XPO6: variants seen among roughly 807,000 people sequenced by gnomAD.
XPO6 encodes the protein exportin 6, also known as exportin-6.
XPO6 carries 3 observed loss-of-function variants against 130.0 expected under a neutral mutation model. The ratio of observed to expected loss-of-function variants is 0.02; its 90% CI spans 0.01 to 0.06. The LOEUF (loss-of-function observed/expected upper bound fraction) is 0.06. XPO6 is among the 10% of genes least tolerant of loss of function. The pLI is 1.00. For missense variants in XPO6, 970 were observed against 1,393.0 expected (o/e 0.70, Z 4.83); for synonymous variants, 524 against 548.9 (o/e 0.95, Z 0.63).
At chr16:28,109,803 A>C (rs2141244525) in intron 17 of XPO6, among the ~76,000 whole-genome samples, 1 of 152,376 alleles carries the variant, frequency 6.6e-6, no homozygotes, top group Middle Eastern at 3.4e-3. Flanking sequence ...GAAAGTGTTA[A>C]TATGGCTACA....
At chr16:28,121,198 A>T (rs2087227176) in intron 14 of XPO6, among the ~76,000 whole-genome samples, 1 of 152,270 alleles carries the variant, frequency 6.6e-6, no homozygotes, top group African/African-American at 2.4e-5. Flanking sequence ...CCCAAGCCTT[A>T]TGGCCTTATG....
chr16:28,182,951 A>T lies in XPO6; in HGVS notation c.4-1920T>A, dbSNP rs192458987. On this transcript the variant is annotated intron_variant, in intron 1 of 23. Transcript: ENST00000304658. ...GGAAGATGCAGAAGAATCAAAAAAAATAGCACATGTTAAAATAAATCAATA... is the reference window on the plus strand; with the variant it reads ...GGAAGATGCAGAAGAATCAAAAAAATTAGCACATGTTAAAATAAATCAATA... Among the ~76,000 whole-genome samples, 89 of 152,350 alleles carry T rather than the reference A, an allele frequency of 5.8e-4. 2 individuals are homozygous for T. In the East Asian group the frequency reaches 0.016, roughly 27 times the overall value.
chr16:28,106,659 A>G lies in XPO6; in HGVS notation c.2498-162T>C, dbSNP rs1684888919. Among the ~76,000 whole-genome samples the G allele has an allele frequency of 6.6e-6, 1 of 152,204 alleles. No homozygotes were observed. Among genetic ancestry groups the G allele is most frequent in the South Asian group, 2.1e-4 (1 of 4,832 alleles). ...CATCAGGGCCAATGATGGAAAGTGGAAAACGATTAGGGACATGCTGAGAAA... is the reference window on the plus strand; with the variant it reads ...CATCAGGGCCAATGATGGAAAGTGGGAAACGATTAGGGACATGCTGAGAAA... On this transcript the variant is annotated intron_variant, in intron 18 of 23. Coordinates refer to ENST00000304658, the MANE Select transcript of XPO6 (RefSeq NM_015171.4). This position sits in a 1 kb window ranked among gnomAD's most constrained non-coding sequence, Gnocchi z 4.2.
intron 6 of XPO6, among the ~76,000 whole-genome samples, chr16:28,163,827 G>A (rs2043315098): frequency 6.6e-6 from 1 of 152,192 alleles, no homozygotes; most frequent in Non-Finnish European, 1.5e-5. Context: ...TGGAATTCTA[G>A]GGTTCTGGTA....
intron 6 of XPO6, among the ~76,000 whole-genome samples, chr16:28,163,569 T>G (rs1004249042): frequency 6.6e-6 from 1 of 152,180 alleles, no homozygotes. Flanking sequence ...GCTGCTCAAG[T>G]GCAGCAGGAA....
chr16:28,206,966 G>A (rs912541823), intron 1 of XPO6, among the ~76,000 whole-genome samples: 1 of 152,130 alleles, frequency 6.6e-6, no homozygotes, highest in Non-Finnish European at 1.5e-5. Context: ...AAAAAATAAG[G>A]CTAGGTGTGG....
intron 1 of XPO6, among the ~76,000 whole-genome samples, chr16:28,196,242 T>G (rs1037157530): frequency 3.1e-4 from 47 of 152,186 alleles, no homozygotes; most frequent in African/African-American, 1.1e-3. Context: ...ACAGATGGAT[T>G]TCTATTTTCA....
chr16:28,104,808 C>T, intron 20 of XPO6, 101 bp from the exon 21 acceptor site: 1 of 1,356,866 alleles, frequency 7.4e-7, no homozygotes, highest in Middle Eastern at 2.0e-4. Context: ...TGACAGCAAG[C>T]CGAGTGTCAA....
intron 12 of XPO6, among the ~76,000 whole-genome samples, chr16:28,127,413 CGTG>C (rs2042580420): frequency 6.6e-6 from 1 of 152,278 alleles, no homozygotes; most frequent in East Asian, 1.9e-4. Flanking sequence ...CAAAATCCCT[CGTG>C]GTGAGCAGCT....
intron 12 of XPO6, among the ~76,000 whole-genome samples, chr16:28,129,074 A>G (rs572698418): frequency 6.6e-5 from 10 of 152,360 alleles, no homozygotes; most frequent in African/African-American, 2.4e-4. Flanking sequence ...AGTTTGAACA[A>G]TATGAAACTG....
In XPO6 at chr16:28,146,217, A is replaced by C; in HGVS notation, c.1225-14T>G. The C allele has an allele frequency of 6.4e-7, 1 of 1,568,722 alleles. No individual in the cohort carries two copies. The highest frequency in any genetic ancestry group is 2.2e-5 in the East Asian group (1 of 44,616). ...TTCATGAGTAGGCTATGGTACAAAA[A>C]AAATCCAGACAATGAAATTATTTAA... On this transcript the variant is annotated splice_polypyrimidine_tract_variant and intron_variant, in intron 8 of 23. Transcript: ENST00000304658.
chr16:28,161,948 G>C (rs2043284870), intron 6 of XPO6, among the ~76,000 whole-genome samples: 1 of 152,144 alleles, frequency 6.6e-6, no homozygotes. Flanking sequence ...GTTCTCCTCT[G>C]TATTAAAGTG....
At chr16:28,206,837 G>C (rs766192432) in intron 1 of XPO6, among the ~76,000 whole-genome samples, 12 of 152,124 alleles carry the variant, frequency 7.9e-5, no homozygotes, top group Non-Finnish European at 1.3e-4. Flanking sequence ...GTACCTCTGA[G>C]AGCATGGGGT....
Position 28,158,993 on chromosome 16 carries a change from G to C in XPO6, c.644-2466C>G, listed in dbSNP as rs775988378. Reference sequence around the variant, plus strand: ...ACCTGTAATCCCAGCATTTCGGTAGGCTGAGGCGGGCAGATCACTTGAGCC... The same window carrying C: ...ACCTGTAATCCCAGCATTTCGGTAGCCTGAGGCGGGCAGATCACTTGAGCC... On this transcript the variant is annotated intron_variant, in intron 6 of 23. Coordinates refer to ENST00000304658, the MANE Select transcript of XPO6 (RefSeq NM_015171.4). Among the ~76,000 whole-genome samples, 29 of 152,296 alleles carry C rather than the reference G, an allele frequency of 1.9e-4. 2 individuals carry two copies. The Middle Eastern group carries it at 0.02, about 107-fold the overall frequency.
At chr16:28,169,225 G>A (rs750775933) in intron 5 of XPO6, among the ~76,000 whole-genome samples, 33 of 152,184 alleles carry the variant, frequency 2.2e-4, no homozygotes, top group Non-Finnish European at 4.6e-4. Flanking sequence ...GTCTCATGTT[G>A]TGGTTTGCTT....
At chr16:28,206,859 C>T (rs1194389674) in intron 1 of XPO6, among the ~76,000 whole-genome samples, 1 of 152,148 alleles carries the variant, frequency 6.6e-6, no homozygotes, top group Admixed American at 6.6e-5. Flanking sequence ...CAATGCAATG[C>T]TGTGGATGAA....
chr16:28,177,232 T>C lies in XPO6; in HGVS notation c.195A>G (p.Leu65=). 6.2e-7 allele frequency: 1 copy of C among 1,603,170 alleles called. No individual in the cohort carries two copies. The highest frequency in any genetic ancestry group is 8.5e-7 in the Non-Finnish European group (1 of 1,176,624). The change falls in exon 3 of 24, where the codon TTA becomes TTG. Residue 65 remains leucine, a synonymous_variant. Transcript: ENST00000304658. ...TRNDYVMMYS[L]TVFENLINKM... is the part of the protein sequence containing the mutation. ...ACTGACAACTTACCTCAAAAACTGTTAAACTGTACATCATTACATAGTCAT... is the reference window on the plus strand; with the variant it reads ...ACTGACAACTTACCTCAAAAACTGTCAAACTGTACATCATTACATAGTCAT...
Position 28,156,430 on chromosome 16 carries a change from G to T in XPO6, c.741C>A (p.Ser247=). The T allele has an allele frequency of 6.2e-7, 1 of 1,613,954 alleles. No individual in the cohort carries two copies. The highest frequency in any genetic ancestry group is 8.5e-7 in the Non-Finnish European group (1 of 1,179,962). ...ILDVESEYIC[S]LALECLAHLF... is the part of the protein sequence containing the mutation. ...GATGGGCCAGGCACTCCAAAGCCAG[G>T]GAACAGATATACTCACTCTCCACAT... is the stretch of plus-strand genomic sequence containing the variant. The change falls in exon 7 of 24, where the codon TCC becomes TCA. Residue 247 remains serine (S), a synonymous_variant. Coordinates refer to ENST00000304658, the MANE Select transcript of XPO6 (RefSeq NM_015171.4).
chr16:28,188,805 C>T (rs1028555890), intron 1 of XPO6, among the ~76,000 whole-genome samples: 1 of 151,906 alleles, frequency 6.6e-6, no homozygotes, highest in Non-Finnish European at 1.5e-5. Flanking sequence ...ATCTACCTAT[C>T]CCCCTCCTGA....
Sources: gnomAD v4.1 joint callset for allele counts (sites outside exome capture counted in the v4.1 genomes callset) on GRCh38, gnomAD v4.1.1 for gene constraint, Gnocchi (gnomAD v3.1) non-coding constraint, MANE v1.5 for transcripts, NCBI Gene and HGNC (gene_info 2026-07-23, HGNC 2026-07-21) for gene names.